EPB41L2: variants seen among roughly 807,000 people sequenced by gnomAD.
EPB41L2 encodes erythrocyte membrane protein band 4.1 like 2.
EPB41L2 carries 43 observed loss-of-function variants against 113.0 expected under a neutral mutation model. The ratio of observed to expected loss-of-function variants is 0.38; its 90% confidence interval spans 0.30 to 0.49. The LOEUF is 0.49. EPB41L2 is among the 20% of genes least tolerant of loss of function. EPB41L2 has a pLI of 0.95. For missense variants in EPB41L2, 1,147 were observed against 1,223.4 expected (o/e 0.94, Z 0.93); for synonymous variants, 442 against 436.7 (o/e 1.01, Z -0.15).
At chr6:131,033,381 G>C (rs1022837959) in intron 1 of EPB41L2, among the ~76,000 whole-genome samples, 3 of 152,172 alleles carry the variant, frequency 2.0e-5, no homozygotes, top group African/African-American at 7.2e-5. Context: ...TTGTAGAATT[G>C]TCTGTTTGTT....
chr6:131,014,647 C>T (rs539384905), intron 1 of EPB41L2, among the ~76,000 whole-genome samples: 4 of 152,298 alleles, frequency 2.6e-5, no homozygotes, highest in East Asian at 1.9e-4. Flanking sequence ...CCAACAATGA[C>T]GCAAAGGCAA....
chr6:130,970,507 T>C (rs1405754406), intron 1 of EPB41L2: 1 of 152,198 alleles, frequency 6.6e-6, no homozygotes, highest in Non-Finnish European at 1.5e-5. Flanking sequence ...AAAAGTCAGC[T>C]TCCTGCTGCC....
intron 1 of EPB41L2, among the ~76,000 whole-genome samples, chr6:131,031,799 C>T (rs1253008599): frequency 2.6e-5 from 4 of 152,018 alleles, no homozygotes; most frequent in African/African-American, 4.8e-5. Context: ...CGGCATTTAT[C>T]GATGTACACA....
chr6:130,940,024 G>A (rs1810279543), intron 3 of EPB41L2, among the ~76,000 whole-genome samples: 1 of 152,162 alleles, frequency 6.6e-6, no homozygotes, highest in African/African-American at 2.4e-5. Flanking sequence ...CCAATGCAAG[G>A]AACCTGGGAA....
intron 5 of EPB41L2, among the ~76,000 whole-genome samples, chr6:130,905,241 T>C (rs1797381433): frequency 1.3e-5 from 2 of 152,160 alleles, no homozygotes; most frequent in African/African-American, 4.8e-5. Flanking sequence ...ACGTAAAATT[T>C]AACTGCTATT....
At chr6:131,059,147 C>T (rs1798184796) in intron 1 of EPB41L2, among the ~76,000 whole-genome samples, 1 of 128,450 alleles carries the variant, frequency 7.8e-6, no homozygotes, top group African/African-American at 2.9e-5. Context: ...TGGAGTCTGG[C>T]TCTGTCACCC....
At chr6:131,062,250 A>G (rs879918242) in intron 1 of EPB41L2, 1 of 151,502 alleles carries the variant, frequency 6.6e-6, no homozygotes, top group Non-Finnish European at 1.5e-5. Flanking sequence ...CTAGAGAAGC[A>G]TAACTGATGT....
intron 4 of EPB41L2, among the ~76,000 whole-genome samples, chr6:130,920,867 C>T (rs922862536): frequency 6.6e-6 from 1 of 152,140 alleles, no homozygotes; most frequent in African/African-American, 2.4e-5. Context: ...GATCCCCAAT[C>T]TAGCCAACAG....
intron 14 of EPB41L2, among the ~76,000 whole-genome samples, chr6:130,870,983 A>G (rs1186362087): frequency 1.3e-5 from 2 of 152,104 alleles, no homozygotes; most frequent in Admixed American, 1.3e-4. Flanking sequence ...GGTGACTCCA[A>G]GTGTTTCCTT....
chr6:131,020,971 C>CT (rs1262584463), intron 1 of EPB41L2, among the ~76,000 whole-genome samples: 8 of 151,412 alleles, frequency 5.3e-5, no homozygotes, highest in African/African-American at 1.5e-4. Context: ...TTTTTTTTAA[C>CT]TTTTTTTGTA....
At chr6:130,880,086 C>T (rs889528694) in intron 13 of EPB41L2, 58 bp downstream of exon 13, 2 of 1,338,880 alleles carry the variant, frequency 1.5e-6, no homozygotes, top group South Asian at 2.4e-5. Flanking sequence ...GCGTGACCTC[C>T]CGTCCACAGC....
At chr6:130,933,578 C>G (rs944373762) in intron 3 of EPB41L2, among the ~76,000 whole-genome samples, 1 of 148,412 alleles carries the variant, frequency 6.7e-6, no homozygotes, top group Non-Finnish European at 1.5e-5. Flanking sequence ...ATTATAGATA[C>G]CCACAAAAGA....
intron 1 of EPB41L2, among the ~76,000 whole-genome samples, chr6:130,957,080 C>G (rs930161784): frequency 6.6e-6 from 1 of 152,114 alleles, no homozygotes; most frequent in Non-Finnish European, 1.5e-5. Flanking sequence ...TATTAAATCC[C>G]GTAATTCACC....
At chr6:130,918,283 C>A (rs532717340) in intron 4 of EPB41L2, among the ~76,000 whole-genome samples, 3 of 152,048 alleles carry the variant, frequency 2.0e-5, no homozygotes, top group African/African-American at 7.2e-5. Flanking sequence ...TAAAGTTAGC[C>A]GTGAATATCA....
chr6:130,964,954 C>T (rs548577670), intron 1 of EPB41L2, among the ~76,000 whole-genome samples: 2 of 152,268 alleles, frequency 1.3e-5, no homozygotes, highest in South Asian at 2.1e-4. Context: ...AAAACGACTT[C>T]ACTACTATAT....
At chr6:130,892,786 A>AATGGTTCTAAGTTGTTTCATGTGT (rs1280647249) in intron 10 of EPB41L2, among the ~76,000 whole-genome samples, 4 of 152,184 alleles carry the variant, frequency 2.6e-5, no homozygotes, top group Non-Finnish European at 5.9e-5. Flanking sequence ...ATATGCCAGA[A>AATGGTTCTAAGTTGTTTCATGTGT]ATGGTTCTAA....
intron 18 of EPB41L2, among the ~76,000 whole-genome samples, chr6:130,861,877 A>ACC (rs1782213115): frequency 2.0e-5 from 3 of 151,460 alleles, no homozygotes; most frequent in Non-Finnish European, 2.9e-5. Flanking sequence ...ATCTCCCCAA[A>ACC]AAAAAAAAAA....
intron 1 of EPB41L2, among the ~76,000 whole-genome samples, chr6:130,972,937 C>CAAAAAAA (rs57293132): frequency 5.0e-5 from 3 of 59,514 alleles, no homozygotes; most frequent in African/African-American, 2.1e-4. Context: ...ACTAAAGATA[C>CAAAAAAA]AAAAAAAAAA....
chr6:131,000,262 A>C (rs1158716831), intron 1 of EPB41L2, among the ~76,000 whole-genome samples: 2 of 152,188 alleles, frequency 1.3e-5, no homozygotes, highest in African/African-American at 2.4e-5. Context: ...TGGTGTTAAA[A>C]TCACAGCAGA....
Sources: allele counts gnomAD v4.1 joint callset (sites outside exome capture counted in the v4.1 genomes callset), GRCh38; gene constraint gnomAD v4.1.1; transcripts MANE v1.5; gene names NCBI Gene and HGNC (gene_info 2026-07-23, HGNC 2026-07-21).